Variants in GAS7 observed in about 807,000 individuals in gnomAD.
The protein encoded by GAS7 is growth arrest-specific protein 7.
Under a neutral mutation model 71.1 loss-of-function variants are expected in GAS7, and 28 were observed. The observed-to-expected ratio is 0.39, with a 90% confidence interval of 0.29 to 0.54. GAS7 has a LOEUF of 0.54. Among genes scored for constraint, GAS7 ranks in the 20% least tolerant of loss-of-function variants. The pLI is 0.62. For synonymous variants in GAS7, 258 were observed against 245.8 expected (o/e 1.05, Z -0.46); for missense variants, 436 against 627.8 (o/e 0.69, Z 3.27).
At chr17:10,136,036 G>A (rs2074035239) in intron 1 of GAS7, among the ~76,000 whole-genome samples, 1 of 152,170 alleles carries the variant, frequency 6.6e-6, no homozygotes, top group Non-Finnish European at 1.5e-5. Context: ...ACAACACCAA[G>A]GACCGTCTGA....
chr17:9,996,995 T>C (rs918220041), intron 2 of GAS7, among the ~76,000 whole-genome samples: 2 of 151,846 alleles, frequency 1.3e-5, no homozygotes, highest in Non-Finnish European at 2.9e-5. Flanking sequence ...ATTTCCATGA[T>C]AGAAAACAGA....
intron 1 of GAS7, among the ~76,000 whole-genome samples, chr17:10,044,608 T>A (rs1330577904): frequency 1.3e-5 from 2 of 152,238 alleles, no homozygotes; most frequent in African/African-American, 2.4e-5. Flanking sequence ...ATTTTCTAAA[T>A]TTTTTTGGTA....
At chr17:10,181,143 C>T (rs1437970280) in intron 1 of GAS7, among the ~76,000 whole-genome samples, 12 of 150,400 alleles carry the variant, frequency 8.0e-5, no homozygotes, top group Admixed American at 7.3e-4. Context: ...GGGCACATCA[C>T]GAGGTCAGGA....
At chr17:10,190,322 T>C (rs1041139848) in intron 1 of GAS7, among the ~76,000 whole-genome samples, 3 of 152,154 alleles carry the variant, frequency 2.0e-5, no homozygotes, top group African/African-American at 7.2e-5. Context: ...CAGTGGCTCA[T>C]GCCTGTAACC....
chr17:9,980,588 T>C (rs1388538587), intron 3 of GAS7, among the ~76,000 whole-genome samples: 1 of 152,156 alleles, frequency 6.6e-6, no homozygotes. Context: ...CCAGATTGAC[T>C]CCTGAAGTCG....
chr17:10,076,536 TC>T (rs1235320374), intron 1 of GAS7, among the ~76,000 whole-genome samples: 1 of 152,062 alleles, frequency 6.6e-6, no homozygotes, highest in Non-Finnish European at 1.5e-5. Flanking sequence ...GCTGACATAT[TC>T]ATACATTATA....
At chr17:10,121,537 T>C (rs1438317837) in intron 1 of GAS7, among the ~76,000 whole-genome samples, 1 of 152,182 alleles carries the variant, frequency 6.6e-6, no homozygotes, top group Non-Finnish European at 1.5e-5. Flanking sequence ...ATAAGAATAC[T>C]ACTTACAGGT....
chr17:9,927,015 G>C (rs921479911), intron 9 of GAS7: 22 of 449,528 alleles, frequency 4.9e-5, no homozygotes, highest in Middle Eastern at 5.7e-4. Context: ...TTAGCAACTA[G>C]AGCCTTCTGA....
intron 11 of GAS7, among the ~76,000 whole-genome samples, chr17:9,920,071 C>T (rs2152068031): frequency 6.6e-6 from 1 of 150,702 alleles, no homozygotes; most frequent in Non-Finnish European, 1.5e-5. Context: ...ATGCTTCCCT[C>T]TCTAAAGATG....
rs941627819 is a variant in GAS7 at position 10,198,548 on chromosome 17, G to A, written c.-158C>T. ...GCGCGGGGGTCCTCAGGCAGGCGGGGGACGCGCGCTCCGCGCCGGGAAGCA... is the reference window on the plus strand; with the variant it reads ...GCGCGGGGGTCCTCAGGCAGGCGGGAGACGCGCGCTCCGCGCCGGGAAGCA... On this transcript the variant is annotated 5_prime_UTR_variant, in exon 1 of 14. Transcript: ENST00000432992. 3 of 416,156 alleles carry A rather than the reference G, an allele frequency of 7.2e-6. No homozygotes were observed. The highest frequency in any genetic ancestry group is 7.9e-5 in the East Asian group (2 of 25,462). 25.8% of individuals were successfully genotyped at this position (416,156 alleles called of 1,614,324 possible). A position where few individuals can be genotyped will look rare whatever the true frequency, so the allele number is the denominator to read the frequency against.
At chr17:10,039,673 AC>A (rs2072825471) in intron 1 of GAS7, 2 of 450,196 alleles carry the variant, frequency 4.4e-6, no homozygotes, top group East Asian at 7.0e-5. Flanking sequence ...TCAGAGTGAG[AC>A]CCTGTCTCAA....
chr17:10,123,699 A>G (rs1217011531), intron 1 of GAS7, among the ~76,000 whole-genome samples: 4 of 152,182 alleles, frequency 2.6e-5, no homozygotes, highest in Non-Finnish European at 4.4e-5. Flanking sequence ...TGCTCCCCCA[A>G]CAAACGTGGG....
At position 10,026,073 on chromosome 17, in the gene GAS7, A is replaced by G; in HGVS notation, c.184-6176T>C. The G allele has an allele frequency of 5.6e-6, 4 of 714,426 alleles. No individual in the cohort carries two copies. The highest frequency in any genetic ancestry group is 6.9e-6 in the Non-Finnish European group (4 of 582,498). The allele number at this position is 714,426 out of a possible 1,614,324, so 44.3% of individuals were successfully genotyped here. ...ACCGCTCCCACCATGCTTCAAGCTC[A>G]AGTTCAACCCGGATGCCACCTCCAC... On this transcript the variant is annotated intron_variant, in intron 1 of 13. Coordinates refer to ENST00000432992, the MANE Select transcript of GAS7 (RefSeq NM_201433.2). This position sits in a 1 kb window ranked among gnomAD's most constrained non-coding sequence, Gnocchi z 4.5.
Position 10,034,306 on chromosome 17 carries a change from T to A in GAS7, c.184-14409A>T. On this transcript the variant is annotated intron_variant, in intron 1 of 13. Transcript: ENST00000432992. This position sits in a 1 kb window ranked among gnomAD's most constrained non-coding sequence, Gnocchi z 4.4. Reference sequence around the variant, plus strand: ...TATATACATATATATAGCCTAATACTTAATAATTCTTTTTTTTTTTTTTAG... The same window carrying A: ...TATATACATATATATAGCCTAATACATAATAATTCTTTTTTTTTTTTTTAG... 1 of 699,598 alleles carries A rather than the reference T, an allele frequency of 1.4e-6. No homozygotes were observed. The highest frequency in any genetic ancestry group is 1.7e-6 in the Non-Finnish European group (1 of 572,738). The allele number at this position is 699,598 out of a possible 1,614,324, so 43.3% of individuals were successfully genotyped here.
rs749657895 is a variant in GAS7 at position 9,911,765 on chromosome 17, A to T, written c.*5463T>A. 1.7e-5 allele frequency: 4 copies of T among 231,678 alleles called. No individual in the cohort carries two copies. The highest frequency in any genetic ancestry group is 3.4e-5 in the Non-Finnish European group (4 of 117,248). The allele number at this position is 231,678 out of a possible 1,614,324, so 14.4% of individuals were successfully genotyped here. A position where few individuals can be genotyped will look rare whatever the true frequency, so the allele number is the denominator to read the frequency against. ...CCGGGGGCTCAGGCTTCCTGGCCCTAATCTTCACCTGGCCTGGATCCAGAA... is the reference window on the plus strand; with the variant it reads ...CCGGGGGCTCAGGCTTCCTGGCCCTTATCTTCACCTGGCCTGGATCCAGAA... On this transcript the variant is annotated 3_prime_UTR_variant, in exon 14 of 14. Coordinates refer to ENST00000432992, the MANE Select transcript of GAS7 (RefSeq NM_201433.2). The surrounding 1 kb of genome is among the most constrained non-coding windows in gnomAD (Gnocchi z 4.0).
intron 1 of GAS7, among the ~76,000 whole-genome samples, chr17:10,056,934 C>T (rs1332470369): frequency 2.0e-5 from 3 of 152,026 alleles, no homozygotes; most frequent in African/African-American, 4.8e-5. Context: ...GGATTGCAGG[C>T]GCGCGCCACC....
intron 1 of GAS7, among the ~76,000 whole-genome samples, chr17:10,028,682 TG>T (rs1275154549): frequency 3.3e-5 from 5 of 149,918 alleles, no homozygotes; most frequent in Admixed American, 3.3e-4. Flanking sequence ...CAAGTTGGTT[TG>T]AAAAAAAAAA....
chr17:9,980,057 A>AT (rs921705003), intron 3 of GAS7, among the ~76,000 whole-genome samples: 2 of 150,596 alleles, frequency 1.3e-5, no homozygotes, highest in African/African-American at 5.0e-5. Context: ...TTCCTTTCTT[A>AT]TTTTTTTAAA....
At chr17:10,183,123 C>G (rs1398787363) in intron 1 of GAS7, among the ~76,000 whole-genome samples, 1 of 151,872 alleles carries the variant, frequency 6.6e-6, no homozygotes, top group East Asian at 1.9e-4. Flanking sequence ...GCCCCGAAAA[C>G]CCTCAGGAAA....
Sources: allele counts gnomAD v4.1 joint callset (sites outside exome capture counted in the v4.1 genomes callset), GRCh38; gene constraint gnomAD v4.1.1; non-coding constraint Gnocchi (gnomAD v3.1); transcripts MANE v1.5; gene names NCBI Gene and HGNC (gene_info 2026-07-23, HGNC 2026-07-21).